Variants in MYO18B observed in about 807,000 individuals in gnomAD.
MYO18B encodes the protein unconventional myosin-XVIIIb.
A neutral mutation model predicts 273.0 loss-of-function variants in MYO18B; 204 were observed. The ratio of observed to expected loss-of-function variants is 0.75; its 90% confidence interval spans 0.67 to 0.84. The LOEUF (loss-of-function observed/expected upper bound fraction) is 0.84, where lower values mean the gene tolerates loss of function less well. Ranked by LOEUF, MYO18B falls within the 40% of genes least tolerant of loss-of-function variation. MYO18B has a pLI of 0.00. For synonymous variants in MYO18B, 1,330 were observed against 1,305.7 expected, an observed-to-expected ratio of 1.02 and a Z score of -0.40; for missense variants, 3,212 against 3,287.6, an observed-to-expected ratio of 0.98 and a Z score of 0.56.
intron 10 of MYO18B, among the ~76,000 whole-genome samples, chr22:25,784,194 T>C (rs924822230): frequency 6.6e-6 from 1 of 152,156 alleles, no homozygotes; most frequent in Non-Finnish European, 1.5e-5. Flanking sequence ...GACTGGGAGA[T>C]CTTTGAATTG....
At chr22:25,920,677 A>G (rs1016832717) in intron 33 of MYO18B, among the ~76,000 whole-genome samples, 5 of 152,240 alleles carry the variant, frequency 3.3e-5, no homozygotes, top group African/African-American at 9.6e-5. Flanking sequence ...CACATTTACA[A>G]TTTACTGAGG....
intron 29 of MYO18B, 66 bp downstream of exon 29, chr22:25,898,527 G>A (rs2091861482): frequency 1.3e-6 from 2 of 1,559,028 alleles, no homozygotes; most frequent in Non-Finnish European, 1.7e-6. Context: ...GGCGTTTTCT[G>A]GGGTATCCAG....
At chr22:25,981,692 C>T (rs2093150331) in intron 39 of MYO18B, among the ~76,000 whole-genome samples, 1 of 152,180 alleles carries the variant, frequency 6.6e-6, no homozygotes, top group African/African-American at 2.4e-5. Flanking sequence ...CTGCAGTGAG[C>T]CATCATGGTG....
At chr22:25,762,967 T>A in intron 2 of MYO18B, 1 of 634,796 alleles carries the variant, frequency 1.6e-6, no homozygotes, top group Non-Finnish European at 3.0e-6. Context: ...TGACTGTTCA[T>A]ATCACAAGGA....
In MYO18B at chr22:26,001,627, A is replaced by G. The variant is rs115935030; in HGVS notation, c.6288-1638A>G. On this transcript the variant is annotated intron_variant, in intron 40 of 43. Coordinates refer to ENST00000335473, the MANE Select transcript of MYO18B (RefSeq NM_032608.7). ...TATTGGCTGAGTCCAAGAGAAAGCCATGGGATAGGGAACCCATTGATGTTG... is the reference window on the plus strand; with the variant it reads ...TATTGGCTGAGTCCAAGAGAAAGCCGTGGGATAGGGAACCCATTGATGTTG... Among the ~76,000 whole-genome samples, 212 of 152,370 alleles carry G rather than the reference A, an allele frequency of 1.4e-3. 1 individual carries two copies. The highest frequency in any genetic ancestry group is 5.0e-3 in the African/African-American group (206 of 41,586).
chr22:25,835,300 G>T lies in MYO18B; in HGVS notation c.3065G>T (p.Arg1022Leu). 6.2e-7 allele frequency: 1 copy of T among 1,613,502 alleles called. No individual in the cohort carries two copies. Among genetic ancestry groups the T allele is most frequent in the Admixed American group, 1.7e-5 (1 of 59,960 alleles). Residue 1022 changes from arginine to leucine, a missense_variant, in exon 17 of 44, where the codon CGC becomes CTC. Transcript: ENST00000335473. ...GAATCCTGGTTCTCCCAGCAGGTCC[G>T]CTTACCAGCTGGAGGAGGTGCCCAG... The part of the protein sequence containing the change: ...AVVDQNPSQV[R>L]LPAGGGAQDA...
At chr22:25,772,264 G>C (rs974594200) in intron 6 of MYO18B, 70 bp from the exon 7 acceptor site, 6 of 1,486,298 alleles carry the variant, frequency 4.0e-6, no homozygotes, top group South Asian at 2.6e-5. Context: ...TTGGTTGCGG[G>C]GGGGTGGGGT....
chr22:25,993,375 T>C (rs1403406065), intron 40 of MYO18B, among the ~76,000 whole-genome samples: 1 of 152,178 alleles, frequency 6.6e-6, no homozygotes, highest in Non-Finnish European at 1.5e-5. Context: ...GAAGACACTT[T>C]CCTTACACAG....
chr22:25,955,530 C>A (rs1039646183), intron 39 of MYO18B, among the ~76,000 whole-genome samples, 166 bp downstream of exon 39: 3 of 152,172 alleles, frequency 2.0e-5, no homozygotes, highest in African/African-American at 4.8e-5. Context: ...GCTGAGACAA[C>A]ACCGTCATTG....
chr22:25,875,369 A>G (rs371817521), intron 23 of MYO18B, among the ~76,000 whole-genome samples: 14 of 152,366 alleles, frequency 9.2e-5, no homozygotes, highest in African/African-American at 3.4e-4. Flanking sequence ...CTGAAGACCA[A>G]GTTGAGGTGT....
chr22:25,785,892 A>G (rs2087365296), intron 11 of MYO18B, among the ~76,000 whole-genome samples: 1 of 152,132 alleles, frequency 6.6e-6, no homozygotes, highest in Non-Finnish European at 1.5e-5. Flanking sequence ...GATGTGTATA[A>G]CGTGCTTAGA....
chr22:26,029,073 A>G (rs1012178859), intron 43 of MYO18B, among the ~76,000 whole-genome samples: 25 of 152,190 alleles, frequency 1.6e-4, no homozygotes, highest in Non-Finnish European at 1.0e-4. Flanking sequence ...TCACCAGGGC[A>G]TAATTGGGTT....
intron 12 of MYO18B, among the ~76,000 whole-genome samples, chr22:25,813,640 TG>T (rs1208222381): frequency 1.3e-5 from 2 of 152,196 alleles, no homozygotes; most frequent in African/African-American, 4.8e-5. Flanking sequence ...TGATTCAGCA[TG>T]GAGCAGGTTC....
At chr22:26,018,412 A>G (rs1460937105) in intron 42 of MYO18B, among the ~76,000 whole-genome samples, 1 of 151,838 alleles carries the variant, frequency 6.6e-6, no homozygotes, top group African/African-American at 2.4e-5. Context: ...CCTTCCCCCA[A>G]ACCCCAGCAC....
At chr22:25,802,752 CA>C (rs1199331535) in intron 12 of MYO18B, among the ~76,000 whole-genome samples, 3,703 of 21,490 alleles carry the variant, frequency 0.17, 113 homozygotes, top group East Asian at 0.32. Flanking sequence ...GACTCTGTCT[CA>C]AAAAAAAAAA....
At chr22:25,787,930 G>C (rs2087472765) in intron 11 of MYO18B, among the ~76,000 whole-genome samples, 1 of 152,168 alleles carries the variant, frequency 6.6e-6, no homozygotes, top group South Asian at 2.1e-4. Flanking sequence ...CAGCAGAAGA[G>C]TAGTTGTTTA....
intron 1 of MYO18B, among the ~76,000 whole-genome samples, chr22:25,754,173 T>A (rs2086035150): frequency 6.6e-6 from 1 of 152,182 alleles, no homozygotes; most frequent in Non-Finnish European, 1.5e-5. Context: ...GGAGTTAAGC[T>A]GCAATTTAAA....
At chr22:25,864,152 C>T (rs1311640850) in intron 21 of MYO18B, among the ~76,000 whole-genome samples, 1 of 152,200 alleles carries the variant, frequency 6.6e-6, no homozygotes, top group Non-Finnish European at 1.5e-5. Flanking sequence ...GGAAGAACTA[C>T]TGCAGAGAGA....
intron 3 of MYO18B, among the ~76,000 whole-genome samples, chr22:25,765,282 G>C (rs754740072): frequency 6.6e-6 from 1 of 152,176 alleles, no homozygotes; most frequent in Non-Finnish European, 1.5e-5. Flanking sequence ...AGCTCTGGCT[G>C]GTTCCTGCCA....
Sources: allele counts gnomAD v4.1 joint callset (sites outside exome capture counted in the v4.1 genomes callset), GRCh38; gene constraint gnomAD v4.1.1; transcripts MANE v1.5; gene names NCBI Gene and HGNC (gene_info 2026-07-23, HGNC 2026-07-21).